FAM193A: variants seen among roughly 807,000 people sequenced by gnomAD.
FAM193A encodes protein FAM193A.
A neutral mutation model predicts 126.5 loss-of-function variants in FAM193A; 22 were observed. That is an observed-to-expected ratio of 0.17 (90% CI 0.12 to 0.25). The LOEUF (loss-of-function observed/expected upper bound fraction) is 0.25, where lower values mean the gene tolerates loss of function less well. FAM193A is among the 10% of genes least tolerant of loss of function. The pLI, the probability that FAM193A is intolerant of heterozygous loss-of-function variation, is 1.00. For synonymous variants in FAM193A, 761 were observed against 646.8 expected (o/e 1.18, Z -2.68); for missense variants, 1,675 against 1,672.8 (o/e 1.00, Z -0.02).
At chr4:2,587,831 C>T (rs561587808) in intron 1 of FAM193A, among the ~76,000 whole-genome samples, 15 of 152,054 alleles carry the variant, frequency 9.9e-5, no homozygotes, top group African/African-American at 2.9e-4. Flanking sequence ...GAGAGGAGAT[C>T]GTTGTGTTTC....
intron 13 of FAM193A, among the ~76,000 whole-genome samples, chr4:2,682,856 T>A (rs1715314452): frequency 6.6e-6 from 1 of 152,234 alleles, no homozygotes; most frequent in East Asian, 1.9e-4. Context: ...AGTACAGTGA[T>A]GATGATTACT....
At chr4:2,653,319 C>G (rs1745856412) in intron 7 of FAM193A, among the ~76,000 whole-genome samples, 1 of 152,182 alleles carries the variant, frequency 6.6e-6, no homozygotes, top group South Asian at 2.1e-4. Context: ...CATACATGTT[C>G]TCTCTAGGGA....
At chr4:2,699,440 C>CA (rs1717420024) in intron 18 of FAM193A, among the ~76,000 whole-genome samples, 1 of 83,716 alleles carries the variant, frequency 1.2e-5, no homozygotes, top group Non-Finnish European at 2.6e-5. Flanking sequence ...ACTACCACCC[C>CA]CCCCCCCACA....
intron 15 of FAM193A, among the ~76,000 whole-genome samples, chr4:2,692,261 A>T (rs1716481409): frequency 6.6e-6 from 1 of 152,216 alleles, no homozygotes. Context: ...TACACGGCGA[A>T]GGGGGAAGCC....
At chr4:2,681,010 G>A (rs1201411713) in intron 13 of FAM193A, among the ~76,000 whole-genome samples, 2 of 152,118 alleles carry the variant, frequency 1.3e-5, no homozygotes, top group Admixed American at 6.5e-5. Flanking sequence ...CTGCTTTTTA[G>A]AGATATGCTT....
rs764117312 is a variant in FAM193A at position 2,662,877 on chromosome 4, A to G, written c.1785A>G (p.Lys595=). Residue 595 remains lysine, a synonymous_variant, in exon 11 of 21, where the codon AAA becomes AAG. Transcript: ENST00000637812. Reference sequence around the variant, plus strand: ...AAGATGTTGCACCATTGTCAGCCAAATTTGCTGATATTTATCCATTGAGTA... The same window carrying G: ...AAGATGTTGCACCATTGTCAGCCAAGTTTGCTGATATTTATCCATTGAGTA... The part of the protein sequence containing the change: ...DDEDVAPLSA[K]FADIYPLSNY... The G allele has an allele frequency of 6.2e-7, 1 of 1,611,676 alleles. No homozygotes were observed.
intron 12 of FAM193A, among the ~76,000 whole-genome samples, chr4:2,664,822 C>T (rs1712926091): frequency 6.6e-6 from 1 of 152,114 alleles, no homozygotes. Flanking sequence ...GTTGGCCTCC[C>T]AAAGTCCTGG....
chr4:2,568,334 A>G (rs187367850), intron 1 of FAM193A, among the ~76,000 whole-genome samples: 1 of 152,264 alleles, frequency 6.6e-6, no homozygotes, highest in East Asian at 1.9e-4. Flanking sequence ...ATACAGAATT[A>G]GGGATTTTAA....
intron 1 of FAM193A, among the ~76,000 whole-genome samples, chr4:2,590,756 A>G (rs952555621): frequency 3.7e-4 from 56 of 151,836 alleles, no homozygotes; most frequent in African/African-American, 1.3e-3. Flanking sequence ...GGCCAGGCGC[A>G]GTGGCTCACA....
chr4:2,721,409 G>GC (rs1720141067), intron 20 of FAM193A, among the ~76,000 whole-genome samples: 1 of 151,148 alleles, frequency 6.6e-6, no homozygotes, highest in African/African-American at 2.4e-5. Flanking sequence ...TATCCCTTGA[G>GC]CTCAGGAGTT....
At chr4:2,656,323 G>A (rs921402921) in intron 7 of FAM193A, among the ~76,000 whole-genome samples, 3 of 152,170 alleles carry the variant, frequency 2.0e-5, no homozygotes, top group African/African-American at 7.2e-5. Context: ...TATAGATCTT[G>A]TCTGCCTTTT....
chr4:2,633,141 TA>T (rs1300454573), intron 5 of FAM193A, among the ~76,000 whole-genome samples: 26 of 152,220 alleles, frequency 1.7e-4, no homozygotes, highest in African/African-American at 6.3e-4. Context: ...CTCACGCCTG[TA>T]ATTCCAGCAC....
intron 19 of FAM193A, among the ~76,000 whole-genome samples, chr4:2,707,641 AT>A (rs901277818): frequency 6.6e-6 from 1 of 151,658 alleles, no homozygotes; most frequent in African/African-American, 2.4e-5. Context: ...TTTAAAAAAA[AT>A]TTTTTTTAAT....
intron 12 of FAM193A, 92 bp downstream of exon 12, chr4:2,663,380 T>A: frequency 9.7e-7 from 1 of 1,026,514 alleles, no homozygotes. Context: ...ATTATTTTGT[T>A]TCCCATAATT....
intron 7 of FAM193A, among the ~76,000 whole-genome samples, chr4:2,651,671 T>G (rs949379811): frequency 6.6e-6 from 1 of 152,120 alleles, no homozygotes; most frequent in Non-Finnish European, 1.5e-5. Context: ...GGGACAAAGG[T>G]GAACCATATC....
At chr4:2,566,418 G>A (rs868623501) in intron 1 of FAM193A, among the ~76,000 whole-genome samples, 6 of 152,144 alleles carry the variant, frequency 3.9e-5, no homozygotes, top group East Asian at 1.9e-4. Context: ...GGCCAGTTGC[G>A]GTGGCTCACA....
chr4:2,700,691 T>C (rs1717623344), intron 19 of FAM193A, 147 bp downstream of exon 19: 1 of 986,746 alleles, frequency 1.0e-6, no homozygotes, highest in African/African-American at 1.6e-5. Context: ...CCAGGCATGG[T>C]GGCTCACACC....
intron 2 of FAM193A, chr4:2,608,092 G>C: frequency 6.2e-7 from 1 of 1,609,194 alleles, no homozygotes; most frequent in East Asian, 2.2e-5. Context: ...TTCACTCCCA[G>C]ATTAGTGCTT....
At chr4:2,621,101 C>T (rs1742521218) in intron 2 of FAM193A, among the ~76,000 whole-genome samples, 2 of 152,044 alleles carry the variant, frequency 1.3e-5, no homozygotes. Context: ...GCCTCTCAGT[C>T]CCCCACACAC....
Sources: allele counts gnomAD v4.1 joint callset (sites outside exome capture counted in the v4.1 genomes callset), GRCh38; gene constraint gnomAD v4.1.1; transcripts MANE v1.5; gene names NCBI Gene and HGNC (gene_info 2026-07-23, HGNC 2026-07-21).